The following CCBE1 variants were observed in gnomAD, a reference collection of about 807,000 sequenced individuals.
CCBE1 encodes the protein collagen and calcium-binding EGF domain-containing protein 1.
CCBE1 carries 37 observed loss-of-function variants against 50.0 expected under a neutral mutation model. The observed-to-expected ratio is 0.74, with a 90% CI of 0.57 to 0.97. The LOEUF is 0.97. Ranked by LOEUF, CCBE1 falls within the 50% of genes least tolerant of loss-of-function variation. CCBE1 has a pLI of 0.00. For synonymous variants in CCBE1, 234 were observed against 203.7 expected (o/e 1.15, Z -1.27); for missense variants, 538 against 523.8 (o/e 1.03, Z -0.26).
chr18:59,516,566 C>T (rs1914381954), intron 2 of CCBE1, among the ~76,000 whole-genome samples: 1 of 152,150 alleles, frequency 6.6e-6, no homozygotes, highest in African/African-American at 2.4e-5. Context: ...AAAGGAAAGT[C>T]CAGGGGGTCA....
At chr18:59,525,719 T>C (rs968695794) in intron 2 of CCBE1, among the ~76,000 whole-genome samples, 2 of 152,176 alleles carry the variant, frequency 1.3e-5, no homozygotes, top group African/African-American at 2.4e-5. Context: ...GTTTTTATAG[T>C]TTTGGGGTTT....
intron 2 of CCBE1, among the ~76,000 whole-genome samples, chr18:59,483,837 T>C (rs1912690538): frequency 6.6e-6 from 1 of 152,128 alleles, no homozygotes; most frequent in Non-Finnish European, 1.5e-5. Context: ...CAAAACAGAC[T>C]TGAGTGATAC....
intron 2 of CCBE1, among the ~76,000 whole-genome samples, chr18:59,613,886 T>TTTG (rs1491113640): frequency 2.9e-5 from 4 of 135,860 alleles, no homozygotes; most frequent in Admixed American, 7.2e-5. Flanking sequence ...TTTTTTTTTT[T>TTTG]GGCAGGGGGA....
intron 5 of CCBE1, among the ~76,000 whole-genome samples, chr18:59,457,370 G>A (rs192548700): frequency 2.8e-3 from 424 of 152,282 alleles, no homozygotes; most frequent in Middle Eastern, 0.014. Flanking sequence ...ACTGTTCTGG[G>A]TGCAGGTCCC....
chr18:59,547,129 G>C (rs1915735112), intron 2 of CCBE1, among the ~76,000 whole-genome samples: 1 of 148,248 alleles, frequency 6.7e-6, no homozygotes, highest in African/African-American at 2.5e-5. Context: ...GAGGAAAGGA[G>C]AGAGAGGGGA....
intron 2 of CCBE1, among the ~76,000 whole-genome samples, chr18:59,487,022 C>T (rs912185787): frequency 6.6e-6 from 1 of 150,916 alleles, no homozygotes; most frequent in East Asian, 1.9e-4. Flanking sequence ...GTAGATAATC[C>T]TGGTCAGGCA....
intron 2 of CCBE1, among the ~76,000 whole-genome samples, chr18:59,638,396 A>T (rs1306488089): frequency 6.6e-6 from 1 of 152,246 alleles, no homozygotes; most frequent in Non-Finnish European, 1.5e-5. Context: ...GTACTAGAGC[A>T]ACGAACGGTT....
At chr18:59,527,390 T>C (rs371080472) in intron 2 of CCBE1, among the ~76,000 whole-genome samples, 17 of 152,236 alleles carry the variant, frequency 1.1e-4, no homozygotes, top group African/African-American at 3.9e-4. Context: ...TACATGTGTC[T>C]TTGCACAGGA....
At chr18:59,500,833 C>T (rs1479141416) in intron 2 of CCBE1, among the ~76,000 whole-genome samples, 1 of 152,154 alleles carries the variant, frequency 6.6e-6, no homozygotes, top group Non-Finnish European at 1.5e-5. Context: ...GCTGTTGGAT[C>T]CCTCCTCCCT....
intron 2 of CCBE1, among the ~76,000 whole-genome samples, chr18:59,669,650 G>A (rs193063664): frequency 5.3e-4 from 81 of 152,334 alleles, no homozygotes; most frequent in African/African-American, 1.7e-3. Context: ...AGGAACACCC[G>A]CGGTGCCCTT....
intron 2 of CCBE1, among the ~76,000 whole-genome samples, chr18:59,680,990 G>A (rs2054582135): frequency 6.8e-6 from 1 of 146,240 alleles, no homozygotes; most frequent in Non-Finnish European, 1.5e-5. Context: ...ACAAAAACCT[G>A]ATAATTATCT....
Position 59,500,779 on chromosome 18 carries a change from C to T in CCBE1, c.213-20541G>A, listed in dbSNP as rs147578467. Among the ~76,000 whole-genome samples the T allele has an allele frequency of 7.0e-3, 1,063 of 152,336 alleles. 6 individuals are homozygous for T. Among genetic ancestry groups the T allele is most frequent in the Non-Finnish European group, 0.011 (748 of 68,022 alleles). ...AGGCAGAGAAGCCCAAGGGAAACCA[C>T]ACACTCAGGACCTGCTGCCCTTCTT... On this transcript the variant is annotated intron_variant, in intron 2 of 10. Coordinates refer to ENST00000439986, the MANE Select transcript of CCBE1 (RefSeq NM_133459.4).
In CCBE1 at chr18:59,682,092, G is replaced by A. The variant is rs1039465726; in HGVS notation, c.212+14537C>T. On this transcript the variant is annotated intron_variant, in intron 2 of 10. Coordinates refer to ENST00000439986, the MANE Select transcript of CCBE1 (RefSeq NM_133459.4). ...AAACCATGTCTCCCAGACCGGGCGC[G>A]TTGGCTCATGCCTGTAATCCCAGCA... is the stretch of plus-strand genomic sequence containing the variant. Among the ~76,000 whole-genome samples, 9 of 152,292 alleles carry A rather than the reference G, an allele frequency of 5.9e-5. No individual in the cohort carries two copies. In the South Asian group the frequency reaches 8.3e-4, roughly 14 times the overall value.
intron 2 of CCBE1, among the ~76,000 whole-genome samples, chr18:59,514,720 C>T (rs1236176546): frequency 6.7e-6 from 1 of 149,032 alleles, no homozygotes; most frequent in African/African-American, 2.5e-5. Context: ...AACACTTCAT[C>T]CTTGCCCCAG....
At chr18:59,553,638 G>T (rs569978989) in intron 2 of CCBE1, among the ~76,000 whole-genome samples, 5 of 152,184 alleles carry the variant, frequency 3.3e-5, no homozygotes, top group African/African-American at 9.7e-5. Flanking sequence ...CAGACCAGTC[G>T]CAGTGCCACT....
chr18:59,475,138 G>A (rs653010), intron 3 of CCBE1, among the ~76,000 whole-genome samples: 131,372 of 152,092 alleles, frequency 0.86, 56,829 homozygotes, highest in East Asian at 0.96. Context: ...TATCTTTACA[G>A]TGTATCTATT....
At chr18:59,474,831 G>A (rs984876941) in intron 3 of CCBE1, among the ~76,000 whole-genome samples, 4 of 152,098 alleles carry the variant, frequency 2.6e-5, no homozygotes, top group Admixed American at 2.6e-4. Context: ...GTTTGTTTTG[G>A]TGTAAATTGG....
At chr18:59,448,985 C>T (rs1910807969) in intron 6 of CCBE1, among the ~76,000 whole-genome samples, 1 of 152,192 alleles carries the variant, frequency 6.6e-6, no homozygotes, top group African/African-American at 2.4e-5. Flanking sequence ...TGAACCTCTT[C>T]CCTCAGTGAG....
chr18:59,539,968 G>T (rs528768127), intron 2 of CCBE1, among the ~76,000 whole-genome samples: 8 of 152,082 alleles, frequency 5.3e-5, no homozygotes, highest in Middle Eastern at 3.4e-3. Flanking sequence ...AATTCTATTT[G>T]GTAAGTTCTC....
Sources: gnomAD v4.1 joint callset for allele counts (sites outside exome capture counted in the v4.1 genomes callset) on GRCh38, gnomAD v4.1.1 for gene constraint, MANE v1.5 for transcripts, NCBI Gene and HGNC (gene_info 2026-07-23, HGNC 2026-07-21) for gene names.